Variants in RIT2 observed in about 807,000 individuals in gnomAD.
The protein encoded by RIT2 is Ras like without CAAX 2, also known as GTP-binding protein Rit2.
Under a neutral mutation model 23.7 loss-of-function variants are expected in RIT2, and 24 were observed. That is an observed-to-expected ratio of 1.01 (90% CI 0.73 to 1.43). The LOEUF is 1.43. RIT2 is among the 40% of genes most tolerant of loss of function. RIT2 has a pLI of 0.00. For missense variants in RIT2, 236 were observed against 266.9 expected (o/e 0.88, Z 0.81); for synonymous variants, 107 against 91.1 (o/e 1.17, Z -0.99).
At chr18:42,992,259 C>T (rs773911470) in intron 2 of RIT2, among the ~76,000 whole-genome samples, 1 of 152,086 alleles carries the variant, frequency 6.6e-6, no homozygotes. Flanking sequence ...GTCACTTGAC[C>T]CCAATACAAA....
intron 4 of RIT2, among the ~76,000 whole-genome samples, chr18:42,842,801 T>C (rs1443869615): frequency 6.6e-6 from 1 of 152,128 alleles, no homozygotes; most frequent in Non-Finnish European, 1.5e-5. Flanking sequence ...AGAGAAAGTG[T>C]GATCCAGAAA....
intron 2 of RIT2, among the ~76,000 whole-genome samples, chr18:43,002,558 A>G (rs1911131829): frequency 6.6e-6 from 1 of 151,968 alleles, no homozygotes; most frequent in Non-Finnish European, 1.5e-5. Flanking sequence ...TTAAGATGAG[A>G]GGATAACAGA....
At chr18:43,069,840 C>T (rs1912858533) in intron 1 of RIT2, among the ~76,000 whole-genome samples, 1 of 152,078 alleles carries the variant, frequency 6.6e-6, no homozygotes, top group African/African-American at 2.4e-5. Flanking sequence ...GTTCTCAGCA[C>T]AGATGCCACT....
At position 42,759,099 on chromosome 18, in the gene RIT2, G is replaced by A. The variant is rs1245089504; in HGVS notation, c.427-15379C>T. ...TCACTATATCTCTGTATATCCTATT[G>A]GTTCTGTTTCTCTGGGGAACCCTGA... On this transcript the variant is annotated intron_variant, in intron 4 of 4. Coordinates refer to ENST00000326695, the MANE Select transcript of RIT2 (RefSeq NM_002930.4). Among the ~76,000 whole-genome samples the A allele has an allele frequency of 7.2e-5, 11 of 152,066 alleles. 1 individual carries two copies.
intron 4 of RIT2, among the ~76,000 whole-genome samples, chr18:42,849,015 T>TAA (rs1173968763): frequency 6.6e-6 from 1 of 152,202 alleles, no homozygotes; most frequent in East Asian, 1.9e-4. Context: ...CGATTTTATA[T>TAA]GTGTTAGCTT....
intron 4 of RIT2, among the ~76,000 whole-genome samples, chr18:42,779,385 CA>C (rs575626039): frequency 1.8e-3 from 278 of 152,258 alleles, no homozygotes; most frequent in Non-Finnish European, 2.9e-3. Flanking sequence ...TGACAATTAA[CA>C]AACACATAAC....
intron 4 of RIT2, among the ~76,000 whole-genome samples, chr18:42,771,504 C>T (rs948022208): frequency 2.6e-5 from 4 of 152,224 alleles, no homozygotes; most frequent in African/African-American, 9.6e-5. Flanking sequence ...AACTATTTTA[C>T]CTCTCTGAGC....
chr18:43,096,163 GA>G (rs1257672627), intron 1 of RIT2, among the ~76,000 whole-genome samples: 1 of 151,852 alleles, frequency 6.6e-6, no homozygotes, highest in Non-Finnish European at 1.5e-5. Flanking sequence ...AGTATTTCCT[GA>G]GAGTCTGTTA....
chr18:42,943,087 C>T (rs941258292), intron 3 of RIT2, among the ~76,000 whole-genome samples: 1 of 152,062 alleles, frequency 6.6e-6, no homozygotes, highest in African/African-American at 2.4e-5. Flanking sequence ...GAACAAAGCT[C>T]CTACAGGTGG....
chr18:43,063,605 T>C (rs1912703232), intron 1 of RIT2, among the ~76,000 whole-genome samples: 1 of 152,182 alleles, frequency 6.6e-6, no homozygotes, highest in Admixed American at 6.6e-5. Context: ...GTGAAATGCC[T>C]TTAAACTTCA....
chr18:42,893,339 C>T (rs972645643), intron 4 of RIT2, among the ~76,000 whole-genome samples: 1 of 151,928 alleles, frequency 6.6e-6, no homozygotes, highest in Non-Finnish European at 1.5e-5. Context: ...GTTCTGGAGG[C>T]TGGAAAGTCC....
At chr18:42,976,343 G>T (rs1568044632) in intron 2 of RIT2, among the ~76,000 whole-genome samples, 2 of 152,060 alleles carry the variant, frequency 1.3e-5, no homozygotes, top group African/African-American at 4.8e-5. Flanking sequence ...GACAATTTCA[G>T]TGTTCCTAAA....
At chr18:42,792,484 G>A (rs1414781562) in intron 4 of RIT2, among the ~76,000 whole-genome samples, 1 of 152,026 alleles carries the variant, frequency 6.6e-6, no homozygotes, top group Non-Finnish European at 1.5e-5. Flanking sequence ...ATGCATATAC[G>A]ACATTATTTA....
chr18:42,898,950 C>T (rs1356839200), intron 4 of RIT2, among the ~76,000 whole-genome samples: 1 of 152,132 alleles, frequency 6.6e-6, no homozygotes, highest in Non-Finnish European at 1.5e-5. Flanking sequence ...TGTCTTATTA[C>T]AAATGATGCT....
intron 2 of RIT2, among the ~76,000 whole-genome samples, chr18:42,995,789 C>T (rs141963758): frequency 0.052 from 7,882 of 152,132 alleles, 423 homozygotes; most frequent in East Asian, 0.25. Context: ...TTATTAAGCC[C>T]CAGTCTCACC....
intron 2 of RIT2, among the ~76,000 whole-genome samples, chr18:42,993,502 T>G (rs537238907): frequency 2.0e-5 from 3 of 152,160 alleles, no homozygotes; most frequent in African/African-American, 4.8e-5. Context: ...CCTGTTTCCC[T>G]TGCCTCCATA....
At chr18:42,898,665 G>A (rs1908395187) in intron 4 of RIT2, among the ~76,000 whole-genome samples, 1 of 152,064 alleles carries the variant, frequency 6.6e-6, no homozygotes, top group South Asian at 2.1e-4. Flanking sequence ...TGTCCTTTAA[G>A]CATTTTTTCC....
chr18:43,093,512 T>C (rs1344268861), intron 1 of RIT2, among the ~76,000 whole-genome samples: 1 of 151,982 alleles, frequency 6.6e-6, no homozygotes, highest in Non-Finnish European at 1.5e-5. Flanking sequence ...CCTTTGTTTT[T>C]TGTAACTGGA....
intron 1 of RIT2, among the ~76,000 whole-genome samples, chr18:43,085,522 TCTGGTA>T (rs1913263030): frequency 6.6e-6 from 1 of 152,198 alleles, no homozygotes; most frequent in Non-Finnish European, 1.5e-5. Flanking sequence ...CCTACCAGCC[TCTGGTA>T]ATCACCTTTC....
Sources: allele counts gnomAD v4.1 joint callset (sites outside exome capture counted in the v4.1 genomes callset), GRCh38; gene constraint gnomAD v4.1.1; transcripts MANE v1.5; gene names NCBI Gene and HGNC (gene_info 2026-07-23, HGNC 2026-07-21).